Variants in KCNQ1 observed in about 807,000 individuals in gnomAD.
The protein encoded by KCNQ1 is potassium voltage-gated channel subfamily KQT member 1.
A neutral mutation model predicts 72.4 loss-of-function variants in KCNQ1; 49 were observed. The observed-to-expected ratio is 0.68, with a 90% CI of 0.54 to 0.86. The LOEUF (loss-of-function observed/expected upper bound fraction) is 0.86. Among genes scored for constraint, KCNQ1 ranks in the 40% least tolerant of loss-of-function variants. KCNQ1 has a pLI of 0.00. For missense variants in KCNQ1, 790 were observed against 945.1 expected (o/e 0.84, Z 2.15); for synonymous variants, 450 against 412.6 (o/e 1.09, Z -1.10).
chr11:2,504,620 G>A (rs1212173854), intron 1 of KCNQ1, among the ~76,000 whole-genome samples: 3 of 152,098 alleles, frequency 2.0e-5, no homozygotes, highest in African/African-American at 7.2e-5. Flanking sequence ...AGCTGGACTT[G>A]GTGGCATACA....
At chr11:2,776,950 C>G in intron 13 of KCNQ1, 36 bp from the exon 14 acceptor site, 1 of 1,606,722 alleles carries the variant, frequency 6.2e-7, no homozygotes, top group Non-Finnish European at 8.5e-7. Flanking sequence ...AGTGCCAGGG[C>G]CAGGTGTGAA....
chr11:2,664,167 G>T lies in KCNQ1; in HGVS notation c.1514+2086G>T. On this transcript the variant is annotated intron_variant, in intron 11 of 15. Coordinates refer to ENST00000155840, the MANE Select transcript of KCNQ1 (RefSeq NM_000218.3). The surrounding 1 kb of genome is among the most constrained non-coding windows in gnomAD (Gnocchi z 5.1). Reference sequence around the variant, plus strand: ...TCTCAGAGCAGGCTGTTCCAAAAGTGGCTGCTAGATATGAGCCAGCCTGGG... The same window carrying T: ...TCTCAGAGCAGGCTGTTCCAAAAGTTGCTGCTAGATATGAGCCAGCCTGGG... The T allele has an allele frequency of 2.5e-6, 1 of 398,738 alleles. No individual in the cohort carries two copies. Among genetic ancestry groups the T allele is most frequent in the Non-Finnish European group, 4.4e-6 (1 of 226,162 alleles). 24.7% of individuals were successfully genotyped at this position (398,738 alleles called of 1,614,324 possible).
intron 10 of KCNQ1, chr11:2,616,219 TTTTG>T (rs1288943337): frequency 7.6e-6 from 3 of 397,236 alleles, no homozygotes; most frequent in Non-Finnish European, 8.9e-6. Context: ...TTTTTCTTAT[TTTTG>T]TTTTTTTTTG....
intron 15 of KCNQ1, among the ~76,000 whole-genome samples, chr11:2,838,215 C>T (rs535759718): frequency 1.6e-4 from 24 of 152,368 alleles, no homozygotes; most frequent in African/African-American, 4.8e-4. Flanking sequence ...ACTGACCTCA[C>T]GTGGCTCACA....
chr11:2,696,872 A>G, intron 11 of KCNQ1: 1 of 398,516 alleles, frequency 2.5e-6, no homozygotes, highest in East Asian at 3.6e-5. Flanking sequence ...GGCATAAAGA[A>G]ATGTGGTTTG....
chr11:2,633,280 G>C, intron 10 of KCNQ1: 1 of 398,422 alleles, frequency 2.5e-6, no homozygotes, highest in Non-Finnish European at 4.4e-6. Context: ...GTATATTCCG[G>C]ATATTAATCC....
intron 1 of KCNQ1, among the ~76,000 whole-genome samples, chr11:2,454,649 A>C (rs1200626133): frequency 6.6e-6 from 1 of 152,236 alleles, no homozygotes; most frequent in Non-Finnish European, 1.5e-5. Context: ...ATTCACATGT[A>C]AACAGAATTA....
Position 2,660,297 on chromosome 11 carries a change from C to T in KCNQ1, c.1394-1664C>T, listed in dbSNP as rs1315744675. On this transcript the variant is annotated intron_variant, in intron 10 of 15. Coordinates refer to ENST00000155840, the MANE Select transcript of KCNQ1 (RefSeq NM_000218.3). ...CTAAATGCATTAAAACTTTTACACACATACATATGTATACATACAACACAT... is the reference window on the plus strand; with the variant it reads ...CTAAATGCATTAAAACTTTTACACATATACATATGTATACATACAACACAT... 4.3e-5 allele frequency: 17 copies of T among 398,248 alleles called. No individual in the cohort carries two copies. The East Asian group carries it at 5.0e-4, about 12-fold the overall frequency. 24.7% of individuals were successfully genotyped at this position (398,248 alleles called of 1,614,324 possible).
In KCNQ1 at chr11:2,662,022, C is replaced by T. The variant is rs17215465; in HGVS notation, c.1455C>T (p.Phe485=). The change falls in exon 11 of 16, where the codon TTC becomes TTT. Residue 485 remains phenylalanine (F), a synonymous_variant. Coordinates refer to ENST00000155840, the MANE Select transcript of KCNQ1 (RefSeq NM_000218.3). The part of the protein sequence containing the change: ...SMPHFMRTNS[F]AEDLDLEGET... ...CCCATTTCATGAGAACCAACAGCTT[C>T]GCCGAGGACCTGGACCTGGAAGGGG... 5,988 of 1,614,202 alleles carry T rather than the reference C, an allele frequency of 3.7e-3. 125 individuals are homozygous for T. The African/African-American group carries it at 0.049, about 13-fold the overall frequency.
At chr11:2,524,545 C>T (rs1008391229) in intron 1 of KCNQ1, among the ~76,000 whole-genome samples, 3 of 152,158 alleles carry the variant, frequency 2.0e-5, no homozygotes, top group Non-Finnish European at 2.9e-5. Flanking sequence ...GCGTGGGTAG[C>T]GGGCAGTGGC....
chr11:2,833,980 T>TG (rs1378572656), intron 15 of KCNQ1, among the ~76,000 whole-genome samples: 4 of 152,206 alleles, frequency 2.6e-5, no homozygotes, highest in South Asian at 2.1e-4. Flanking sequence ...CAGCAGGGGC[T>TG]GGGGGGCAGC....
At chr11:2,792,918 G>C (rs1847058139) in intron 15 of KCNQ1, among the ~76,000 whole-genome samples, 1 of 102,934 alleles carries the variant, frequency 9.7e-6, no homozygotes, top group Non-Finnish European at 1.9e-5. Flanking sequence ...CCCCCACATA[G>C]GTGTCAAAGT....
At chr11:2,665,626 G>C (rs578047630) in intron 11 of KCNQ1, 5 of 397,488 alleles carry the variant, frequency 1.3e-5, no homozygotes, top group African/African-American at 1.0e-4. Flanking sequence ...GTACGGCTGT[G>C]TCCTCCTTTG....
Position 2,538,320 on chromosome 11 carries a change from T to G in KCNQ1, c.477+10302T>G, listed in dbSNP as rs1265019337. Among the ~76,000 whole-genome samples the G allele has an allele frequency of 6.6e-6, 1 of 152,062 alleles. No individual in the cohort carries two copies. Among genetic ancestry groups the G allele is most frequent in the Non-Finnish European group, 1.5e-5 (1 of 67,996 alleles). ...CTTGGGCAGGGAAGGGCGGTGGACATGGAGGCTTGGGGACAGTCCCCTGGC... is the reference window on the plus strand; with the variant it reads ...CTTGGGCAGGGAAGGGCGGTGGACAGGGAGGCTTGGGGACAGTCCCCTGGC... On this transcript the variant is annotated intron_variant, in intron 2 of 15. Transcript: ENST00000155840. This position sits in a 1 kb window ranked among gnomAD's most constrained non-coding sequence, Gnocchi z 6.7.
At chr11:2,573,327 A>G (rs1260475996) in intron 6 of KCNQ1, among the ~76,000 whole-genome samples, 1 of 152,078 alleles carries the variant, frequency 6.6e-6, no homozygotes, top group Non-Finnish European at 1.5e-5. Context: ...TAGGTTGCCC[A>G]TTCCCTGCCT....
chr11:2,776,901 G>A (rs967442364), intron 13 of KCNQ1, 85 bp from the exon 14 acceptor site: 27 of 1,366,460 alleles, frequency 2.0e-5, no homozygotes, highest in African/African-American at 1.6e-4. Flanking sequence ...TGCCGGGCAC[G>A]TCAAGCTGTC....
chr11:2,823,873 G>T (rs966698276), intron 15 of KCNQ1, among the ~76,000 whole-genome samples: 13 of 152,186 alleles, frequency 8.5e-5, no homozygotes, highest in Admixed American at 8.5e-4. Context: ...CAAAGCCGAG[G>T]GTGGGGTGAG....
At chr11:2,686,038 G>T (rs146566065) in intron 11 of KCNQ1, 39 of 399,244 alleles carry the variant, frequency 9.8e-5, no homozygotes, top group Non-Finnish European at 1.4e-4. Flanking sequence ...CCGCCAGCTC[G>T]CACCATCTGA....
chr11:2,694,888 C>T (rs1850648946), intron 11 of KCNQ1: 1 of 398,446 alleles, frequency 2.5e-6, no homozygotes, highest in South Asian at 1.3e-4. Context: ...AAGGAATTGT[C>T]AAGGGAAGAT....
Sources: allele counts gnomAD v4.1 joint callset (sites outside exome capture counted in the v4.1 genomes callset), GRCh38; gene constraint gnomAD v4.1.1; non-coding constraint Gnocchi (gnomAD v3.1); transcripts MANE v1.5; gene names NCBI Gene and HGNC (gene_info 2026-07-23, HGNC 2026-07-21).